The following MYO5B variants were observed in gnomAD, a reference collection of about 807,000 sequenced individuals.
MYO5B encodes the protein unconventional myosin-Vb.
Under a neutral mutation model 229.3 loss-of-function variants are expected in MYO5B, and 143 were observed. That is an observed-to-expected ratio of 0.62 (90% CI 0.54 to 0.72). The LOEUF (loss-of-function observed/expected upper bound fraction) is 0.72, where lower values mean the gene tolerates loss of function less well. Ranked by LOEUF, MYO5B falls within the 30% of genes least tolerant of loss-of-function variation. MYO5B has a pLI of 0.00. For synonymous variants in MYO5B, 918 were observed against 885.2 expected (o/e 1.04, Z -0.66); for missense variants, 2,321 against 2,331.0 (o/e 1.00, Z 0.09).
In MYO5B at chr18:50,195,007, G is replaced by C. The variant is rs1310554339; in HGVS notation, c.-214C>G. 1.4e-5 allele frequency: 8 copies of C among 565,924 alleles called. No homozygotes were observed. Among genetic ancestry groups the C allele is most frequent in the Non-Finnish European group, 2.0e-5 (8 of 390,954 alleles). The allele number at this position is 565,924 out of a possible 1,614,324, so 35.1% of individuals were successfully genotyped here. ...ACTCCCGCCGCGGCGGCGCAGCTAC[G>C]GCCGGACAGGAGTTGCGAGCGCCGG... On this transcript the variant is annotated 5_prime_UTR_variant, in exon 1 of 40. Coordinates refer to ENST00000285039, the MANE Select transcript of MYO5B (RefSeq NM_001080467.3).
At chr18:49,953,126 G>T in intron 14 of MYO5B, 134 bp downstream of exon 14, 2 of 780,198 alleles carry the variant, frequency 2.6e-6, no homozygotes, top group South Asian at 2.9e-5. Flanking sequence ...ATACCGAAAT[G>T]ACCAACAAAC....
In MYO5B at chr18:49,992,485, T is replaced by G. The variant is rs1335154181; in HGVS notation, c.613-54A>C. 3 of 1,613,138 alleles carry G rather than the reference T, an allele frequency of 1.9e-6. No individual in the cohort carries two copies. The African/African-American group carries it at 4.0e-5, about 22-fold the overall frequency. On this transcript the variant is annotated intron_variant, in intron 5 of 39. Coordinates refer to ENST00000285039, the MANE Select transcript of MYO5B (RefSeq NM_001080467.3). ...AAAAAAAAAGAGGGCTTTCTTGATT[T>G]CAGGATTGTATGTTTGTGGCAGCAT...
chr18:49,910,504 A>C (rs950253088), intron 18 of MYO5B, among the ~76,000 whole-genome samples: 6 of 152,070 alleles, frequency 3.9e-5, no homozygotes, highest in African/African-American at 1.2e-4. Context: ...CAAAAACCTC[A>C]ATCAACTGGA....
intron 1 of MYO5B, among the ~76,000 whole-genome samples, chr18:50,136,776 C>A (rs568675662): frequency 1.3e-5 from 2 of 152,128 alleles, no homozygotes; most frequent in African/African-American, 2.4e-5. Flanking sequence ...AAGACAACCT[C>A]CTACACTTGG....
chr18:49,854,203 G>A (rs1471525433), intron 30 of MYO5B, among the ~76,000 whole-genome samples: 1 of 152,006 alleles, frequency 6.6e-6, no homozygotes, highest in African/African-American at 2.4e-5. Context: ...TACAATTATT[G>A]CATATACAAT....
rs78657366 is a variant in MYO5B, at chr18:49,826,585, T to C, written c.5433A>G (p.Leu1811=). 10 of 1,613,766 alleles carry C rather than the reference T, an allele frequency of 6.2e-6. No homozygotes were observed. Among genetic ancestry groups the C allele is most frequent in the African/African-American group, 4.0e-5 (3 of 74,924 alleles). ...CAGGAAACATGTGCTTGGCATCTAA[T>C]AGCAGTTGCTGAGGGTCATTCCGCT... ...LQERNDPQQL[L]LDAKHMFPVL... The change falls in exon 40 of 40, where the codon CTA becomes CTG. Residue 1811 remains leucine, a synonymous_variant. Transcript: ENST00000285039.
intron 10 of MYO5B, among the ~76,000 whole-genome samples, chr18:49,973,908 A>T (rs1283824285): frequency 6.6e-6 from 1 of 152,156 alleles, no homozygotes; most frequent in African/African-American, 2.4e-5. Flanking sequence ...TATGGTACTA[A>T]AATAGCCACC....
chr18:49,994,973 C>T (rs992320985), intron 5 of MYO5B, among the ~76,000 whole-genome samples: 44 of 152,232 alleles, frequency 2.9e-4, no homozygotes, highest in African/African-American at 1.0e-3. Context: ...GCATTACTAA[C>T]TTTCACCATA....
chr18:49,922,868 C>G (rs1411165457), intron 17 of MYO5B, among the ~76,000 whole-genome samples: 3 of 152,164 alleles, frequency 2.0e-5, no homozygotes, highest in African/African-American at 7.2e-5. Flanking sequence ...CTATCAGCTG[C>G]CCCTTAAGAG....
intron 2 of MYO5B, among the ~76,000 whole-genome samples, chr18:50,047,580 C>G (rs1358220835): frequency 6.6e-5 from 10 of 152,154 alleles, no homozygotes; most frequent in Admixed American, 5.9e-4. Context: ...TACAGCCATC[C>G]CATTACTGGG....
chr18:50,177,936 G>A (rs1877872720), intron 1 of MYO5B, among the ~76,000 whole-genome samples: 1 of 152,152 alleles, frequency 6.6e-6, no homozygotes, highest in South Asian at 2.1e-4. Context: ...CATCCTTCTT[G>A]TCATCTCCAA....
At chr18:49,911,821 C>T (rs1252750574) in intron 18 of MYO5B, among the ~76,000 whole-genome samples, 3 of 152,138 alleles carry the variant, frequency 2.0e-5, no homozygotes, top group Non-Finnish European at 4.4e-5. Context: ...GAGAGGAGCG[C>T]TGCCACAGAA....
intron 1 of MYO5B, among the ~76,000 whole-genome samples, chr18:50,163,673 G>C (rs980718018): frequency 6.6e-6 from 1 of 152,192 alleles, no homozygotes; most frequent in African/African-American, 2.4e-5. Flanking sequence ...CTCTGGGCCA[G>C]AGTCTCCTAA....
In MYO5B at chr18:49,839,180, T is replaced by C. The variant is rs774565391; in HGVS notation, c.4816A>G (p.Ile1606Val). The C allele has an allele frequency of 3.2e-5, 52 of 1,612,948 alleles. No individual in the cohort carries two copies. Among genetic ancestry groups the C allele is most frequent in the Non-Finnish European group, 4.0e-5 (47 of 1,179,038 alleles). The stretch of plus-strand genomic sequence containing the variant: ...TGTAACACGCCCTCGGCAATTTTAA[T>C]GAGCTGCTGGTAGATCTGAATGGAA... The part of the protein sequence containing the change: ...DLSIQIYQQL[I>V]KIAEGVLQPM... The change falls in exon 36 of 40, where the codon ATT becomes GTT. Residue 1606 changes from isoleucine (I) to valine (V), a missense_variant. Transcript: ENST00000285039.
At position 49,863,048 on chromosome 18, in the gene MYO5B, G is replaced by A. The variant is rs73436367; in HGVS notation, c.3944+179C>T. On this transcript the variant is annotated intron_variant, in intron 29 of 39. Transcript: ENST00000285039. The stretch of plus-strand genomic sequence containing the variant: ...TCTAGATGCTGAGAGCGTGTTGCTC[G>A]AGCCTTGCTGAGCTAACAGTAGGGC... Among the ~76,000 whole-genome samples, 447 of 152,224 alleles carry A rather than the reference G, an allele frequency of 2.9e-3. 2 individuals are homozygous for A. The highest frequency in any genetic ancestry group is 0.011 in the African/African-American group (439 of 41,522).
intron 1 of MYO5B, among the ~76,000 whole-genome samples, chr18:50,130,050 C>T (rs2032229484): frequency 6.6e-6 from 1 of 152,182 alleles, no homozygotes; most frequent in South Asian, 2.1e-4. Context: ...GCATGTTCAG[C>T]ACAGCCTGCA....
chr18:49,877,124 C>T (rs631125), intron 25 of MYO5B, among the ~76,000 whole-genome samples: 143,204 of 151,834 alleles, frequency 0.94, 67,650 homozygotes, highest in East Asian at 1. Context: ...TCTGTGTGTA[C>T]GTGCGCGCAC....
At chr18:49,943,786 T>C (rs907853724) in intron 14 of MYO5B, among the ~76,000 whole-genome samples, 3 of 152,082 alleles carry the variant, frequency 2.0e-5, no homozygotes, top group Non-Finnish European at 4.4e-5. Context: ...TAACCCACAA[T>C]TAAAAACATA....
chr18:50,001,297 G>C lies in MYO5B; in HGVS notation c.570C>G (p.Thr190=), dbSNP rs924503808. ...ATGCCAGCACCTTCTCTTCGATGTT[G>C]GTTTCACTGGCCGAGCCACCAACGG... The part of the protein sequence containing the change: ...FATVGGSASE[T]NIEEKVLASS... Residue 190 remains threonine (T), a synonymous_variant, in exon 5 of 40, where the codon ACC becomes ACG. Coordinates refer to ENST00000285039, the MANE Select transcript of MYO5B (RefSeq NM_001080467.3). The C allele has an allele frequency of 6.2e-7, 1 of 1,614,196 alleles. No individual in the cohort carries two copies. The highest frequency in any genetic ancestry group is 8.5e-7 in the Non-Finnish European group (1 of 1,180,024).
Sources: allele counts gnomAD v4.1 joint callset (sites outside exome capture counted in the v4.1 genomes callset), GRCh38; gene constraint gnomAD v4.1.1; transcripts MANE v1.5; gene names NCBI Gene and HGNC (gene_info 2026-07-23, HGNC 2026-07-21).